Variants in STAM2 observed in about 807,000 individuals in gnomAD.
STAM2 encodes signal transducing adaptor molecule 2, also known as signal transducing adapter molecule 2.
A neutral mutation model predicts 65.6 loss-of-function variants in STAM2; 51 were observed. That is an observed-to-expected ratio of 0.78 (90% CI 0.62 to 0.98). The LOEUF (loss-of-function observed/expected upper bound fraction) is 0.98, where lower values mean the gene tolerates loss of function less well. Among genes scored for constraint, STAM2 ranks in the 50% least tolerant of loss-of-function variants. The pLI is 0.00. For synonymous variants in STAM2, 198 were observed against 208.4 expected, an observed-to-expected ratio of 0.95 and a Z score of 0.43; for missense variants, 584 against 617.8, an observed-to-expected ratio of 0.95 and a Z score of 0.58.
At chr2:152,165,843 T>A (rs905404354) in intron 1 of STAM2, among the ~76,000 whole-genome samples, 18 of 152,188 alleles carry the variant, frequency 1.2e-4, no homozygotes, top group African/African-American at 4.1e-4. Context: ...AAGAGAACAT[T>A]CATTTAGCAA....
intron 11 of STAM2, among the ~76,000 whole-genome samples, chr2:152,128,278 G>C (rs1688999072): frequency 6.6e-6 from 1 of 152,066 alleles, no homozygotes; most frequent in South Asian, 2.1e-4. Context: ...GTGGTGGCGG[G>C]CACCTGTAGT....
intron 12 of STAM2, 163 bp downstream of exon 12, chr2:152,126,063 G>A (rs1688959292): frequency 3.6e-6 from 2 of 561,740 alleles, no homozygotes; most frequent in Non-Finnish European, 5.7e-6. Context: ...ATTTGCTCTG[G>A]TGAATGTTAA....
At chr2:152,147,556 T>C (rs1689358198) in intron 4 of STAM2, among the ~76,000 whole-genome samples, 2 of 152,200 alleles carry the variant, frequency 1.3e-5, no homozygotes, top group African/African-American at 4.8e-5. Flanking sequence ...AACAGATCTT[T>C]TATATTCAGA....
chr2:152,120,291 G>T lies in STAM2; in HGVS notation c.*283C>A. The T allele has an allele frequency of 5.0e-6, 2 of 403,404 alleles. No homozygotes were observed. The highest frequency in any genetic ancestry group is 4.7e-5 in the East Asian group (1 of 21,062). 25.0% of individuals were successfully genotyped at this position (403,404 alleles called of 1,614,324 possible). ...ACTGTTTGTCATAAGGCTACTTAAT[G>T]AGTATCTAGATTTATGTAGAGAAAT... On this transcript the variant is annotated 3_prime_UTR_variant, in exon 14 of 14. Coordinates refer to ENST00000263904, the MANE Select transcript of STAM2 (RefSeq NM_005843.6).
rs111363577 is a variant in STAM2 at position 152,132,036 on chromosome 2, T to C, written c.1025+78A>G. 3 of 1,025,846 alleles carry C rather than the reference T, an allele frequency of 2.9e-6. No homozygotes were observed. In the East Asian group the frequency reaches 7.4e-5, roughly 25 times the overall value. The allele number at this position is 1,025,846 out of a possible 1,614,324, so 63.5% of individuals were successfully genotyped here. The stretch of plus-strand genomic sequence containing the variant: ...TGAATTGTACAGTTCCACAAAAACT[T>C]TCCCTACTTTACTGTTTGCCAAAAC... On this transcript the variant is annotated intron_variant, in intron 11 of 13. Coordinates refer to ENST00000263904, the MANE Select transcript of STAM2 (RefSeq NM_005843.6).
chr2:152,163,792 G>A (rs550029795), intron 1 of STAM2, among the ~76,000 whole-genome samples: 21 of 152,264 alleles, frequency 1.4e-4, no homozygotes, highest in Middle Eastern at 3.4e-3. Flanking sequence ...TGTCTTATGC[G>A]GTTGAGATAA....
At chr2:152,158,827 C>A (rs746111331) in intron 1 of STAM2, among the ~76,000 whole-genome samples, 21 of 151,926 alleles carry the variant, frequency 1.4e-4, no homozygotes, top group Non-Finnish European at 2.6e-4. Context: ...TGAACCCACC[C>A]CTGTAAGCCC....
At chr2:152,162,642 T>A (rs1579333856) in intron 1 of STAM2, among the ~76,000 whole-genome samples, 2 of 152,100 alleles carry the variant, frequency 1.3e-5, no homozygotes, top group Non-Finnish European at 2.9e-5. Flanking sequence ...CAGAAAATTA[T>A]TCTTATTATT....
At chr2:152,130,641 T>C (rs953512339) in intron 11 of STAM2, among the ~76,000 whole-genome samples, 3 of 151,134 alleles carry the variant, frequency 2.0e-5, no homozygotes, top group African/African-American at 7.3e-5. Flanking sequence ...GAAGATCACT[T>C]GAGGCCAAGA....
At chr2:152,122,074 ATATGTGTGTGTGTGTGTG>A (rs1362125999) in intron 13 of STAM2, among the ~76,000 whole-genome samples, 4 of 135,558 alleles carry the variant, frequency 3.0e-5, no homozygotes, top group African/African-American at 8.4e-5. Context: ...ATATATATAT[ATATGTGTGTGTGTGTGTG>A]TGTGTGTGTG....
At chr2:152,173,892 G>C (rs1031478045) in intron 1 of STAM2, among the ~76,000 whole-genome samples, 7 of 152,252 alleles carry the variant, frequency 4.6e-5, no homozygotes, top group Non-Finnish European at 7.3e-5. Flanking sequence ...AAATGCCTTT[G>C]GGGTTCTGAA....
Position 152,150,324 on chromosome 2 carries a change from T to A in STAM2, c.41-95A>T, listed in dbSNP as rs1337803035. The A allele has an allele frequency of 3.9e-6, 3 of 762,748 alleles. No homozygotes were observed. In the African/African-American group the frequency reaches 5.3e-5, roughly 13 times the overall value. 47.2% of individuals were successfully genotyped at this position (762,748 alleles called of 1,614,324 possible). On this transcript the variant is annotated intron_variant, in intron 1 of 13. Transcript: ENST00000263904. ...CCAACAGTTAAGAAATCCTACCTTT[T>A]CTATTGCCGAAGATACTACAGACGA...
chr2:152,136,448 AT>A (rs1298514766), intron 7 of STAM2, among the ~76,000 whole-genome samples: 1 of 152,136 alleles, frequency 6.6e-6, no homozygotes, highest in South Asian at 2.1e-4. Context: ...CAAAAAAAAA[AT>A]AATAAAATTA....
At chr2:152,146,877 G>T (rs73967749) in intron 5 of STAM2, among the ~76,000 whole-genome samples, 1,600 of 152,192 alleles carry the variant, frequency 0.011, 34 homozygotes, top group African/African-American at 0.037. Flanking sequence ...CAAATTTCTT[G>T]AATATAAGGG....
chr2:152,171,725 G>A (rs1190948566), intron 1 of STAM2, among the ~76,000 whole-genome samples: 2 of 152,206 alleles, frequency 1.3e-5, no homozygotes, highest in East Asian at 1.9e-4. Flanking sequence ...TCAAACCACT[G>A]CGTCCACAGA....
intron 13 of STAM2, among the ~76,000 whole-genome samples, chr2:152,121,685 A>G (rs941374538): frequency 6.6e-6 from 1 of 152,200 alleles, no homozygotes; most frequent in African/African-American, 2.4e-5. Flanking sequence ...CTAAGCTGAA[A>G]AATCACACCA....
intron 12 of STAM2, 89 bp from the exon 13 acceptor site, chr2:152,124,024 G>T (rs932532328): frequency 5.5e-6 from 6 of 1,099,950 alleles, no homozygotes; most frequent in East Asian, 2.5e-5. Flanking sequence ...TTAAAGGAAA[G>T]AAACTATACT....
chr2:152,135,634 T>C (rs1188938206), intron 7 of STAM2, 31 bp from the exon 8 acceptor site: 1 of 1,403,722 alleles, frequency 7.1e-7, no homozygotes, highest in Non-Finnish European at 1.0e-6. Flanking sequence ...ATATCATTTG[T>C]TCCCCACATT....
intron 7 of STAM2, among the ~76,000 whole-genome samples, chr2:152,136,896 T>TC (rs542642560): frequency 1.4e-3 from 200 of 146,914 alleles, no homozygotes; most frequent in Middle Eastern, 7.0e-3. Flanking sequence ...ATTTTTCTTT[T>TC]TTTTTTTTTT....
Sources: gnomAD v4.1 joint callset for allele counts (sites outside exome capture counted in the v4.1 genomes callset) on GRCh38, gnomAD v4.1.1 for gene constraint, MANE v1.5 for transcripts, NCBI Gene and HGNC (gene_info 2026-07-23, HGNC 2026-07-21) for gene names.